The following CRACDL variants were observed in gnomAD, a reference collection of about 807,000 sequenced individuals.
The protein encoded by CRACDL is CRACD like.
CRACDL carries 26 observed loss-of-function variants against 70.6 expected under a neutral mutation model. The observed-to-expected ratio is 0.37, with a 90% CI of 0.27 to 0.51. The LOEUF (loss-of-function observed/expected upper bound fraction) is 0.51. Among genes scored for constraint, CRACDL ranks in the 20% least tolerant of loss-of-function variants. CRACDL has a pLI of 0.94. For missense variants in CRACDL, 1,283 were observed against 1,376.9 expected (o/e 0.93, Z 1.08); for synonymous variants, 618 against 615.2 (o/e 1.00, Z -0.07).
At chr2:98,824,337 A>G (rs1440178545) in intron 6 of CRACDL, among the ~76,000 whole-genome samples, 4 of 132,076 alleles carry the variant, frequency 3.0e-5, no homozygotes, top group South Asian at 5.0e-4. Context: ...CCCAAGGACT[A>G]TTTCAAACTC....
intron 1 of CRACDL, among the ~76,000 whole-genome samples, chr2:98,920,322 C>T (rs1273228873): frequency 6.6e-6 from 1 of 152,102 alleles, no homozygotes; most frequent in Non-Finnish European, 1.5e-5. Context: ...TAGAACTGCC[C>T]ACCTGTCACA....
At chr2:98,919,114 A>G (rs888689057) in intron 1 of CRACDL, among the ~76,000 whole-genome samples, 6 of 152,110 alleles carry the variant, frequency 3.9e-5, no homozygotes, top group Non-Finnish European at 7.4e-5. Context: ...GTATATGGTG[A>G]TAGATAGGGG....
chr2:98,884,264 A>G (rs1309315637), intron 1 of CRACDL, among the ~76,000 whole-genome samples: 1 of 152,202 alleles, frequency 6.6e-6, no homozygotes, highest in East Asian at 1.9e-4. Context: ...CAAATAACTC[A>G]GGGGCCTGCA....
chr2:98,866,475 C>CTTTT (rs1173322192), intron 1 of CRACDL, among the ~76,000 whole-genome samples: 1,579 of 43,004 alleles, frequency 0.037, 142 homozygotes, highest in Admixed American at 0.11. Context: ...ATCACTTCTT[C>CTTTT]TTTTTTTTTT....
intron 1 of CRACDL, among the ~76,000 whole-genome samples, chr2:98,908,865 C>T (rs1396796097): frequency 1.3e-5 from 2 of 152,302 alleles, no homozygotes; most frequent in Admixed American, 6.5e-5. Flanking sequence ...TCATTCATAC[C>T]TCATCTGTTT....
Position 98,832,981 on chromosome 2 carries a change from G to C in CRACDL, c.256C>G (p.Leu86Val). Residue 86 changes from leucine to valine, a missense_variant, in exon 4 of 10, where the codon CTG becomes GTG. This residue lies in a region of CRACDL where 362 missense variants were observed against 495.0 expected (regional missense o/e 0.73). Coordinates refer to ENST00000397899, the MANE Select transcript of CRACDL (RefSeq NM_207362.3). ...EDELEESRGT[L>V]GSRALSHDSI... The stretch of plus-strand genomic sequence containing the variant: ...TCGTGAGAAAGGGCCCGGCTGCCCA[G>C]CGTGCCCCTCGACTCCCTAGGATAA... The C allele has an allele frequency of 6.2e-7, 1 of 1,613,346 alleles. No individual in the cohort carries two copies. The highest frequency in any genetic ancestry group is 8.5e-7 in the Non-Finnish European group (1 of 1,179,612).
At chr2:98,827,722 T>G (rs1158157109) in intron 5 of CRACDL, among the ~76,000 whole-genome samples, 1 of 152,190 alleles carries the variant, frequency 6.6e-6, no homozygotes, top group Non-Finnish European at 1.5e-5. Context: ...GCAGAGAACC[T>G]GTGTCTCAGG....
chr2:98,841,456 AC>A (rs1706023273), intron 2 of CRACDL, among the ~76,000 whole-genome samples: 1 of 152,108 alleles, frequency 6.6e-6, no homozygotes, highest in African/African-American at 2.4e-5. Flanking sequence ...CAATACAAGG[AC>A]CTTCGAATAC....
chr2:98,807,694 G>A (rs993899640), intron 7 of CRACDL, among the ~76,000 whole-genome samples: 4 of 152,164 alleles, frequency 2.6e-5, no homozygotes, highest in African/African-American at 4.8e-5. Flanking sequence ...GAAAATTAAC[G>A]CATAAAGCAT....
intron 1 of CRACDL, among the ~76,000 whole-genome samples, chr2:98,862,116 T>A (rs1421167309): frequency 2.0e-5 from 3 of 152,178 alleles, no homozygotes; most frequent in African/African-American, 7.2e-5. Flanking sequence ...TATCAAAGAC[T>A]AGGTCACTCA....
intron 7 of CRACDL, among the ~76,000 whole-genome samples, chr2:98,805,050 G>A (rs1011325864): frequency 4.6e-5 from 7 of 152,166 alleles, no homozygotes; most frequent in Non-Finnish European, 1.0e-4. Flanking sequence ...AGTGCATGGA[G>A]ACAGGCTCTC....
intron 1 of CRACDL, among the ~76,000 whole-genome samples, chr2:98,848,611 A>G (rs189648218): frequency 1.3e-5 from 2 of 152,302 alleles, no homozygotes; most frequent in Admixed American, 1.3e-4. Context: ...TTTAATCCCC[A>G]AGAACTTTTA....
intron 2 of CRACDL, among the ~76,000 whole-genome samples, chr2:98,838,627 G>A (rs773534617): frequency 6.6e-6 from 1 of 151,984 alleles, no homozygotes; most frequent in Admixed American, 6.6e-5. Context: ...TGATTGCACC[G>A]CTACACTCCA....
At chr2:98,890,886 G>A (rs554976676) in intron 1 of CRACDL, among the ~76,000 whole-genome samples, 25 of 151,716 alleles carry the variant, frequency 1.6e-4, no homozygotes, top group African/African-American at 4.6e-4. Context: ...GTGAAACCCC[G>A]TCTCTACCAA....
chr2:98,822,433 C>T lies in CRACDL; in HGVS notation c.1840G>A (p.Asp614Asn). The T allele has an allele frequency of 6.7e-7, 1 of 1,483,650 alleles. No individual in the cohort carries two copies. The highest frequency in any genetic ancestry group is 8.9e-7 in the Non-Finnish European group (1 of 1,125,316). 91.9% of individuals were successfully genotyped at this position (1,483,650 alleles called of 1,614,324 possible). Residue 614 changes from aspartate to asparagine, a missense_variant, in exon 7 of 10, where the codon GAC becomes AAC. Physicochemically the swap from Asp to Asn is conservative, Grantham distance 23. Coordinates refer to ENST00000397899, the MANE Select transcript of CRACDL (RefSeq NM_207362.3). This position sits in a 1 kb window ranked among gnomAD's most constrained non-coding sequence, Gnocchi z 4.9. ...GGCTCGGGGAGACCCTGGAGGTCGT[C>T]AAGAGCCGCCTCGCTCCTCCAGACC... is the stretch of plus-strand genomic sequence containing the variant. ...GPVWRSEAALDDLQGLPEPQH... is the reference protein window; with the variant it reads ...GPVWRSEAALNDLQGLPEPQH...
chr2:98,868,742 A>G (rs1707237257), intron 1 of CRACDL, among the ~76,000 whole-genome samples: 1 of 152,202 alleles, frequency 6.6e-6, no homozygotes, highest in Non-Finnish European at 1.5e-5. Context: ...TATGCCATGG[A>G]GATCCCAAGT....
intron 1 of CRACDL, among the ~76,000 whole-genome samples, chr2:98,929,726 G>A (rs992227725): frequency 6.6e-6 from 1 of 152,028 alleles, no homozygotes; most frequent in Non-Finnish European, 1.5e-5. Context: ...TCAATAAGGG[G>A]CATTTGTCAA....
chr2:98,930,811 G>A (rs1709054943), intron 1 of CRACDL, among the ~76,000 whole-genome samples: 1 of 152,164 alleles, frequency 6.6e-6, no homozygotes, highest in Non-Finnish European at 1.5e-5. Flanking sequence ...ATTAGTAGGG[G>A]TCCTAACTGG....
intron 1 of CRACDL, chr2:98,897,495 G>T: frequency 1.3e-6 from 1 of 798,850 alleles, no homozygotes; most frequent in Non-Finnish European, 1.8e-6. Flanking sequence ...AAACAGATGA[G>T]CAAAACACCA....
Sources: allele counts gnomAD v4.1 joint callset (sites outside exome capture counted in the v4.1 genomes callset), GRCh38; gene constraint gnomAD v4.1.1; regional missense constraint gnomAD v4.1.1; non-coding constraint Gnocchi (gnomAD v3.1); transcripts MANE v1.5; gene names NCBI Gene and HGNC (gene_info 2026-07-23, HGNC 2026-07-21).